Variants in AUTS2 observed in about 807,000 individuals in gnomAD.
AUTS2 encodes the protein autism susceptibility gene 2 protein.
AUTS2 carries 17 observed loss-of-function variants against 112.4 expected under a neutral mutation model. The observed-to-expected ratio is 0.15, with a 90% CI of 0.10 to 0.23. AUTS2 has a LOEUF of 0.23. AUTS2 is among the 10% of genes least tolerant of loss of function. The pLI, the probability that AUTS2 is intolerant of heterozygous loss-of-function variation, is 1.00. For missense variants in AUTS2, 1,510 were observed against 1,701.6 expected (o/e 0.89, Z 1.98); for synonymous variants, 751 against 702.7 (o/e 1.07, Z -1.09).
chr7:70,688,505 G>A (rs1808580948), intron 5 of AUTS2, among the ~76,000 whole-genome samples: 1 of 152,056 alleles, frequency 6.6e-6, no homozygotes. Context: ...TGAGGTGGTG[G>A]GTCCTCCATA....
chr7:70,125,520 T>G (rs543160185), intron 3 of AUTS2, among the ~76,000 whole-genome samples: 1 of 152,190 alleles, frequency 6.6e-6, no homozygotes, highest in African/African-American at 2.4e-5. Context: ...CTCTCACAGA[T>G]GTGCTGACTA....
chr7:69,728,754 T>C (rs1246868044), intron 1 of AUTS2, among the ~76,000 whole-genome samples: 1 of 150,536 alleles, frequency 6.6e-6, no homozygotes, highest in Non-Finnish European at 1.5e-5. Context: ...GTCAGCTGAG[T>C]CCCTCTTTCT....
At chr7:69,894,204 G>A (rs1222819936) in intron 1 of AUTS2, among the ~76,000 whole-genome samples, 1 of 140,784 alleles carries the variant, frequency 7.1e-6, no homozygotes, top group Non-Finnish European at 1.5e-5. Flanking sequence ...TGGCTTTCTT[G>A]CCTTCTTTCC....
At position 69,850,296 on chromosome 7, in the gene AUTS2, A is replaced by AAAAAAAC. The variant is rs1554389795; in HGVS notation, c.310-48985_310-48984insACAAAAA. 2.9e-3 allele frequency among the ~76,000 whole-genome samples: 431 copies of AAAAAAAC among 150,128 alleles called. 5 individuals are homozygous for AAAAAAAC. The highest frequency in any genetic ancestry group is 0.01 in the African/African-American group (417 of 40,322). ...TGCAACAGGGTGACACTCTGTCTCA[A>AAAAAAAC]AAAAACAAAAACAAAAACAAAAACA... On this transcript the variant is annotated intron_variant, in intron 1 of 18. Transcript: ENST00000342771.
At chr7:70,392,851 T>C (rs1429687124) in intron 4 of AUTS2, among the ~76,000 whole-genome samples, 3 of 152,192 alleles carry the variant, frequency 2.0e-5, no homozygotes. Context: ...CAGTGAGGTT[T>C]TCAGCTTCCT....
intron 4 of AUTS2, among the ~76,000 whole-genome samples, chr7:70,242,056 G>A (rs537260447): frequency 1.3e-4 from 20 of 152,262 alleles, no homozygotes; most frequent in East Asian, 1.2e-3. Context: ...GCACAATTCC[G>A]CAATGGCCTC....
At chr7:70,093,130 G>A (rs1270118814) in intron 2 of AUTS2, among the ~76,000 whole-genome samples, 1 of 152,190 alleles carries the variant, frequency 6.6e-6, no homozygotes, top group Non-Finnish European at 1.5e-5. Context: ...ATGCAGCCCA[G>A]CTGGAGTACC....
chr7:70,626,375 A>G (rs1804947077), intron 5 of AUTS2, among the ~76,000 whole-genome samples: 1 of 151,346 alleles, frequency 6.6e-6, no homozygotes, highest in South Asian at 2.1e-4. Context: ...AAAAAAAAAA[A>G]AAAAAAAAAT....
intron 1 of AUTS2, among the ~76,000 whole-genome samples, chr7:69,764,725 C>A (rs1471830613): frequency 2.6e-5 from 4 of 152,170 alleles, no homozygotes; most frequent in Non-Finnish European, 4.4e-5. Flanking sequence ...CACTATCAGG[C>A]AAACCTCATT....
intron 5 of AUTS2, among the ~76,000 whole-genome samples, chr7:70,698,271 T>C (rs1445273960): frequency 6.6e-6 from 1 of 152,228 alleles, no homozygotes; most frequent in African/African-American, 2.4e-5. Context: ...AAAATCATTA[T>C]GTGAATGAGC....
intron 6 of AUTS2, among the ~76,000 whole-genome samples, chr7:70,761,288 G>C (rs192637278): frequency 6.6e-6 from 1 of 152,124 alleles, no homozygotes; most frequent in Non-Finnish European, 1.5e-5. Flanking sequence ...GTACAGTCCA[G>C]CCTAAACAAC....
rs182844643 is a variant in AUTS2 at position 69,685,512 on chromosome 7, C to A, written c.309+85550C>A. On this transcript the variant is annotated intron_variant, in intron 1 of 18. Coordinates refer to ENST00000342771, the MANE Select transcript of AUTS2 (RefSeq NM_015570.4). ...TCTTAGACAAACTAAGCTATTTGTCCAGGTAAACAAGTAGTTGTGGACTAC... is the reference window on the plus strand; with the variant it reads ...TCTTAGACAAACTAAGCTATTTGTCAAGGTAAACAAGTAGTTGTGGACTAC... Among the ~76,000 whole-genome samples the A allele has an allele frequency of 4.6e-4, 70 of 152,252 alleles. No individual in the cohort carries two copies. In the East Asian group the frequency reaches 0.012, roughly 26 times the overall value.
intron 5 of AUTS2, among the ~76,000 whole-genome samples, chr7:70,563,921 T>G (rs1166254823): frequency 6.6e-6 from 1 of 152,174 alleles, no homozygotes; most frequent in African/African-American, 2.4e-5. Flanking sequence ...TGCTCACCCT[T>G]GAAAAAATCA....
intron 5 of AUTS2, among the ~76,000 whole-genome samples, chr7:70,675,404 A>T (rs1231700010): frequency 1.3e-5 from 2 of 152,098 alleles, no homozygotes; most frequent in Non-Finnish European, 2.9e-5. Context: ...GAGGCAGGAG[A>T]ATTGCTTGAT....
chr7:69,830,699 C>T (rs1791461464), intron 1 of AUTS2, among the ~76,000 whole-genome samples: 1 of 152,174 alleles, frequency 6.6e-6, no homozygotes, highest in African/African-American at 2.4e-5. Flanking sequence ...TATTTGTTTA[C>T]TCTCTTATCC....
intron 5 of AUTS2, chr7:70,596,442 A>G (rs1803214603): frequency 6.6e-6 from 1 of 152,194 alleles, no homozygotes; most frequent in African/African-American, 2.4e-5. Flanking sequence ...CAGCCGTGGT[A>G]CCGCACGGCT....
At chr7:70,675,711 C>T (rs992087200) in intron 5 of AUTS2, among the ~76,000 whole-genome samples, 3 of 152,326 alleles carry the variant, frequency 2.0e-5, no homozygotes, top group Middle Eastern at 6.8e-3. Flanking sequence ...GCATGAGGCA[C>T]TTGGCAGGGA....
intron 2 of AUTS2, among the ~76,000 whole-genome samples, chr7:69,901,347 C>T (rs770252820): frequency 8.6e-5 from 13 of 152,014 alleles, no homozygotes; most frequent in Non-Finnish European, 1.6e-4. Context: ...CACCAAGCTG[C>T]GGATCCTCAT....
chr7:70,636,908 G>T (rs915649701), intron 5 of AUTS2, among the ~76,000 whole-genome samples: 2 of 152,114 alleles, frequency 1.3e-5, no homozygotes, highest in Non-Finnish European at 2.9e-5. Flanking sequence ...CTTCCAAAGT[G>T]CTGGGATTAT....
Sources: allele counts gnomAD v4.1 joint callset (sites outside exome capture counted in the v4.1 genomes callset), GRCh38; gene constraint gnomAD v4.1.1; transcripts MANE v1.5; gene names NCBI Gene and HGNC (gene_info 2026-07-23, HGNC 2026-07-21).